TCF7L1: variants seen among roughly 807,000 people sequenced by gnomAD.
TCF7L1 encodes the protein transcription factor 7-like 1.
TCF7L1 carries 18 observed loss-of-function variants against 63.7 expected under a neutral mutation model. The ratio of observed to expected loss-of-function variants is 0.28; its 90% confidence interval spans 0.20 to 0.42. The LOEUF (loss-of-function observed/expected upper bound fraction) is 0.42, where lower values mean the gene tolerates loss of function less well. TCF7L1 is among the 10% of genes least tolerant of loss of function. The probability of loss-of-function intolerance (pLI) is 1.00; values close to 1 mark genes in which losing one functional copy is unlikely to be tolerated. For missense variants in TCF7L1, 654 were observed against 779.3 expected, an observed-to-expected ratio of 0.84 and a Z score of 1.91; for synonymous variants, 355 against 340.9, an observed-to-expected ratio of 1.04 and a Z score of -0.46.
intron 3 of TCF7L1, among the ~76,000 whole-genome samples, chr2:85,282,384 C>T (rs990722968): frequency 3.9e-5 from 6 of 152,370 alleles, no homozygotes; most frequent in South Asian, 2.1e-4. Flanking sequence ...AGGCTGCTTG[C>T]GGGTCTGTTG....
At chr2:85,217,851 T>C (rs1679745196) in intron 3 of TCF7L1, among the ~76,000 whole-genome samples, 1 of 152,262 alleles carries the variant, frequency 6.6e-6, no homozygotes, top group African/African-American at 2.4e-5. Flanking sequence ...GAGTGTCATG[T>C]TGGCACTCAA....
At chr2:85,148,865 C>T (rs548576454) in intron 3 of TCF7L1, among the ~76,000 whole-genome samples, 2 of 151,420 alleles carry the variant, frequency 1.3e-5, no homozygotes, top group African/African-American at 4.9e-5. Context: ...CCTCTGCCCC[C>T]CCAGGTTCAA....
chr2:85,238,122 G>A (rs1010682481), intron 3 of TCF7L1, among the ~76,000 whole-genome samples: 56 of 152,144 alleles, frequency 3.7e-4, no homozygotes, highest in African/African-American at 1.3e-3. Context: ...TGGCGCAGTG[G>A]CAGCGAGCGA....
At chr2:85,152,540 T>C (rs1161759060) in intron 3 of TCF7L1, among the ~76,000 whole-genome samples, 1 of 149,586 alleles carries the variant, frequency 6.7e-6, no homozygotes, top group African/African-American at 2.5e-5. Context: ...GTTCAAGCAA[T>C]TCTCCTGCCT....
At chr2:85,213,118 GC>G (rs1679613271) in intron 3 of TCF7L1, among the ~76,000 whole-genome samples, 1 of 138,490 alleles carries the variant, frequency 7.2e-6, no homozygotes, top group Non-Finnish European at 1.6e-5. Flanking sequence ...ACAAAGATGG[GC>G]AGGAGAAACC....
intron 3 of TCF7L1, among the ~76,000 whole-genome samples, chr2:85,234,933 G>T (rs1278725614): frequency 4.6e-5 from 7 of 152,144 alleles, no homozygotes; most frequent in Non-Finnish European, 8.8e-5. Context: ...TTTCTGAAGG[G>T]TGTTCTCAAA....
At chr2:85,261,550 A>T (rs370802190) in intron 3 of TCF7L1, among the ~76,000 whole-genome samples, 15 of 152,332 alleles carry the variant, frequency 9.8e-5, no homozygotes, top group South Asian at 6.2e-4. Context: ...CTTAGCTGTA[A>T]CCAAAACCCA....
intron 3 of TCF7L1, among the ~76,000 whole-genome samples, chr2:85,142,198 G>A (rs528211820): frequency 1.6e-4 from 25 of 152,184 alleles, no homozygotes; most frequent in African/African-American, 4.6e-4. Flanking sequence ...AGGCCAAGGC[G>A]GGCAGATTGC....
At chr2:85,178,827 T>C (rs1678735896) in intron 3 of TCF7L1, among the ~76,000 whole-genome samples, 1 of 151,894 alleles carries the variant, frequency 6.6e-6, no homozygotes, top group South Asian at 2.1e-4. Context: ...GACACTCTTG[T>C]CTTAGGTGTC....
At chr2:85,308,871 A>G (rs1438503534) in intron 11 of TCF7L1, among the ~76,000 whole-genome samples, 158 bp from the exon 12 acceptor site, 1 of 151,688 alleles carries the variant, frequency 6.6e-6, no homozygotes, top group East Asian at 1.9e-4. Flanking sequence ...GGTATTTGTG[A>G]ATGCAGTTTC....
intron 3 of TCF7L1, among the ~76,000 whole-genome samples, chr2:85,270,370 T>C (rs1194744653): frequency 5.3e-5 from 8 of 152,236 alleles, no homozygotes; most frequent in Admixed American, 1.3e-4. Context: ...CCTTCACCTC[T>C]GTCTAGGAGC....
At chr2:85,238,090 T>A (rs1680234517) in intron 3 of TCF7L1, among the ~76,000 whole-genome samples, 1 of 151,440 alleles carries the variant, frequency 6.6e-6, no homozygotes, top group South Asian at 2.1e-4. Context: ...ATTAGGTTCC[T>A]GCTGTATACC....
At chr2:85,259,967 T>G (rs1161071478) in intron 3 of TCF7L1, among the ~76,000 whole-genome samples, 3 of 152,198 alleles carry the variant, frequency 2.0e-5, no homozygotes, top group Admixed American at 2.0e-4. Flanking sequence ...GGAGGGCCTC[T>G]GAGAACTCCC....
intron 3 of TCF7L1, among the ~76,000 whole-genome samples, chr2:85,266,743 G>T (rs1351491449): frequency 6.6e-6 from 1 of 152,214 alleles, no homozygotes; most frequent in African/African-American, 2.4e-5. Flanking sequence ...TTCTTTTGTT[G>T]TGTTTTATGA....
chr2:85,301,584 C>A (rs1430279454), intron 4 of TCF7L1, among the ~76,000 whole-genome samples: 3 of 151,730 alleles, frequency 2.0e-5, no homozygotes, highest in Non-Finnish European at 4.4e-5. Context: ...TTCTCAATAG[C>A]TTTATAAAAT....
chr2:85,240,922 T>G (rs908129460), intron 3 of TCF7L1, among the ~76,000 whole-genome samples: 11 of 152,212 alleles, frequency 7.2e-5, no homozygotes, highest in African/African-American at 2.7e-4. Flanking sequence ...TTTCCTAAAC[T>G]ATGGTAATAG....
chr2:85,274,952 T>C (rs1237360137), intron 3 of TCF7L1, among the ~76,000 whole-genome samples: 2 of 152,178 alleles, frequency 1.3e-5, no homozygotes, highest in African/African-American at 4.8e-5. Context: ...ACACGTGAGA[T>C]AATCACTCTG....
chr2:85,201,259 T>C (rs1264700708), intron 3 of TCF7L1, among the ~76,000 whole-genome samples: 1 of 152,226 alleles, frequency 6.6e-6, no homozygotes, highest in Non-Finnish European at 1.5e-5. Context: ...TGCACTGTAT[T>C]TAATTTTATG....
chr2:85,210,872 G>A (rs950289330), intron 3 of TCF7L1, among the ~76,000 whole-genome samples: 1 of 152,188 alleles, frequency 6.6e-6, no homozygotes, highest in African/African-American at 2.4e-5. Context: ...GAGGGAAAAT[G>A]AAGTGTGGAG....
Sources: allele counts gnomAD v4.1 joint callset (sites outside exome capture counted in the v4.1 genomes callset), GRCh38; gene constraint gnomAD v4.1.1; transcripts MANE v1.5; gene names NCBI Gene and HGNC (gene_info 2026-07-23, HGNC 2026-07-21).